Variants in CHRM3 observed in about 807,000 individuals in gnomAD.
CHRM3 encodes cholinergic receptor muscarinic 3.
Under a neutral mutation model 41.8 loss-of-function variants are expected in CHRM3, and 11 were observed. That is an observed-to-expected ratio of 0.26 (90% CI 0.17 to 0.44). The LOEUF (loss-of-function observed/expected upper bound fraction) is 0.44, where lower values mean the gene tolerates loss of function less well. CHRM3 is among the 20% of genes least tolerant of loss of function. The probability of loss-of-function intolerance (pLI) is 1.00; values close to 1 mark genes in which losing one functional copy is unlikely to be tolerated. For synonymous variants in CHRM3, 297 were observed against 301.4 expected, an observed-to-expected ratio of 0.99 and a Z score of 0.15; for missense variants, 571 against 745.4, an observed-to-expected ratio of 0.77 and a Z score of 2.72.
intron 5 of CHRM3, among the ~76,000 whole-genome samples, chr1:239,731,703 G>A (rs937998653): frequency 1.3e-5 from 2 of 151,882 alleles, no homozygotes; most frequent in African/African-American, 4.8e-5. Context: ...GCAGCAGTTA[G>A]ATAATTTAAA....
chr1:239,769,090 T>C (rs944596918), intron 5 of CHRM3, among the ~76,000 whole-genome samples: 5 of 152,034 alleles, frequency 3.3e-5, no homozygotes, highest in African/African-American at 1.2e-4. Context: ...TTCTTCAGAA[T>C]ATGTTCTGCA....
At chr1:239,832,065 C>T (rs1235274791) in intron 6 of CHRM3, among the ~76,000 whole-genome samples, 3 of 152,082 alleles carry the variant, frequency 2.0e-5, no homozygotes, top group South Asian at 2.1e-4. Context: ...ATTAACTCTG[C>T]CTGCTTGTGG....
At chr1:239,829,546 A>C (rs1672735243) in intron 6 of CHRM3, among the ~76,000 whole-genome samples, 1 of 152,198 alleles carries the variant, frequency 6.6e-6, no homozygotes, top group Non-Finnish European at 1.5e-5. Context: ...TATACCAAAA[A>C]AGCATGTATT....
At chr1:239,523,650 T>G (rs1669800233) in intron 2 of CHRM3, among the ~76,000 whole-genome samples, 1 of 152,196 alleles carries the variant, frequency 6.6e-6, no homozygotes, top group Admixed American at 6.5e-5. Context: ...TATTTTCATT[T>G]TCACAACAGA....
chr1:239,870,779 T>G (rs1337451136), intron 6 of CHRM3, among the ~76,000 whole-genome samples: 1 of 152,196 alleles, frequency 6.6e-6, no homozygotes, highest in Non-Finnish European at 1.5e-5. Flanking sequence ...ATCATGCTTT[T>G]CAAACATTCT....
chr1:239,795,156 G>A (rs1000723791), intron 5 of CHRM3, among the ~76,000 whole-genome samples: 1 of 151,936 alleles, frequency 6.6e-6, no homozygotes, highest in African/African-American at 2.4e-5. Context: ...AGCTTCTCTG[G>A]TGTTAACTTA....
At position 239,444,801 on chromosome 1, in the gene CHRM3, C is replaced by T. The variant is rs867781261; in HGVS notation, c.-520-47908C>T. On this transcript the variant is annotated intron_variant, in intron 1 of 6. Transcript: ENST00000676153. ...GAGAATATTGTATGTTTCTTAGTGGCCCAGAAGAATGGGATGAACTAAGAG... is the reference window on the plus strand; with the variant it reads ...GAGAATATTGTATGTTTCTTAGTGGTCCAGAAGAATGGGATGAACTAAGAG... Among the ~76,000 whole-genome samples, 17 of 152,026 alleles carry T rather than the reference C, an allele frequency of 1.1e-4. No individual in the cohort carries two copies. In the Middle Eastern group the frequency reaches 0.01, roughly 91 times the overall value.
At chr1:239,585,241 C>T (rs1663290787) in intron 3 of CHRM3, among the ~76,000 whole-genome samples, 1 of 152,010 alleles carries the variant, frequency 6.6e-6, no homozygotes, top group South Asian at 2.1e-4. Context: ...GTTGTCCTTC[C>T]TTTCTCTTGT....
chr1:239,778,766 A>G (rs1389665157), intron 5 of CHRM3, among the ~76,000 whole-genome samples: 1 of 152,112 alleles, frequency 6.6e-6, no homozygotes, highest in Non-Finnish European at 1.5e-5. Context: ...CCCACACACA[A>G]TCCTGTAATT....
intron 2 of CHRM3, among the ~76,000 whole-genome samples, chr1:239,509,452 T>A (rs1267225471): frequency 6.6e-6 from 1 of 152,182 alleles, no homozygotes; most frequent in Non-Finnish European, 1.5e-5. Context: ...TCCAGGATAA[T>A]CTGTATATAA....
intron 2 of CHRM3, among the ~76,000 whole-genome samples, chr1:239,513,488 GT>G (rs1669060804): frequency 6.6e-6 from 1 of 152,016 alleles, no homozygotes; most frequent in Non-Finnish European, 1.5e-5. Context: ...TTTTCTTATA[GT>G]TGAATTTTAA....
At chr1:239,572,994 T>C (rs547018983) in intron 3 of CHRM3, among the ~76,000 whole-genome samples, 10 of 152,312 alleles carry the variant, frequency 6.6e-5, no homozygotes, top group African/African-American at 2.4e-4. Flanking sequence ...CTTCGTTGAA[T>C]ATCCTATTCA....
At chr1:239,728,174 G>C (rs1221930147) in intron 5 of CHRM3, among the ~76,000 whole-genome samples, 1 of 151,866 alleles carries the variant, frequency 6.6e-6, no homozygotes, top group African/African-American at 2.4e-5. Context: ...AGGGTTTTCT[G>C]GAAGTGGAGC....
chr1:239,406,259 C>A (rs997124831), intron 1 of CHRM3, among the ~76,000 whole-genome samples: 1 of 152,152 alleles, frequency 6.6e-6, no homozygotes, highest in African/African-American at 2.4e-5. Flanking sequence ...GACTAGTGTT[C>A]TGTTTATGTG....
At chr1:239,433,629 G>T (rs1249199080) in intron 1 of CHRM3, among the ~76,000 whole-genome samples, 1 of 139,032 alleles carries the variant, frequency 7.2e-6, no homozygotes, top group Non-Finnish European at 1.5e-5. Context: ...CTTCCCCCAA[G>T]TTCCCAAAGT....
chr1:239,637,318 A>G (rs985693151), intron 4 of CHRM3, among the ~76,000 whole-genome samples: 1 of 152,128 alleles, frequency 6.6e-6, no homozygotes, highest in African/African-American at 2.4e-5. Flanking sequence ...TCTATAGCAT[A>G]CATAAATATT....
At chr1:239,633,490 T>C (rs935748621) in intron 4 of CHRM3, among the ~76,000 whole-genome samples, 1 of 152,036 alleles carries the variant, frequency 6.6e-6, no homozygotes, top group Non-Finnish European at 1.5e-5. Flanking sequence ...CCAAACCTTA[T>C]CACTACCCTC....
At chr1:239,512,935 T>G (rs1782349) in intron 2 of CHRM3, among the ~76,000 whole-genome samples, 15,203 of 152,086 alleles carry the variant, frequency 0.1, 887 homozygotes, top group African/African-American at 0.16. Context: ...GGGCTGGTGG[T>G]TTGTCTCCCT....
At chr1:239,854,299 A>C (rs1484087863) in intron 6 of CHRM3, among the ~76,000 whole-genome samples, 1 of 152,116 alleles carries the variant, frequency 6.6e-6, no homozygotes, top group Admixed American at 6.6e-5. Flanking sequence ...TCATTTATCC[A>C]TTTAGTCATT....
Sources: gnomAD v4.1 joint callset for allele counts (sites outside exome capture counted in the v4.1 genomes callset) on GRCh38, gnomAD v4.1.1 for gene constraint, MANE v1.5 for transcripts, NCBI Gene and HGNC (gene_info 2026-07-23, HGNC 2026-07-21) for gene names.